ZNF578: variants seen among roughly 807,000 people sequenced by gnomAD.
The protein encoded by ZNF578 is zinc finger protein 578.
Under a neutral mutation model 8.3 loss-of-function variants are expected in ZNF578, and 8 were observed. The ratio of observed to expected loss-of-function variants is 0.96; its 90% CI spans 0.56 to 1.74. ZNF578 has a LOEUF of 1.74. Ranked by LOEUF, ZNF578 falls within the 40% of genes most tolerant of loss-of-function variation. The pLI is 0.00. For missense variants in ZNF578, 726 were observed against 707.5 expected, an observed-to-expected ratio of 1.03 and a Z score of -0.30; for synonymous variants, 206 against 232.2, an observed-to-expected ratio of 0.89 and a Z score of 1.03.
rs1853073637 is a variant in ZNF578, at chr19:52,496,468, T to C, written c.-20+5043T>C. Among the ~76,000 whole-genome samples the C allele has an allele frequency of 2.7e-5, 4 of 146,860 alleles. No homozygotes were observed. In the South Asian group the frequency reaches 6.6e-4, roughly 24 times the overall value. ...CCTCAGCCTCCCGAGTAGCTGGGACTACATGCGCCCGCCACCGCGCCCAGC... is the reference window on the plus strand; with the variant it reads ...CCTCAGCCTCCCGAGTAGCTGGGACCACATGCGCCCGCCACCGCGCCCAGC... On this transcript the variant is annotated intron_variant, in intron 3 of 5. Transcript: ENST00000421239.
chr19:52,470,511 G>C (rs563633326), intron 2 of ZNF578, among the ~76,000 whole-genome samples: 3 of 152,176 alleles, frequency 2.0e-5, no homozygotes, highest in Non-Finnish European at 4.4e-5. Flanking sequence ...GGTTCATAAA[G>C]TATTGTTTCT....
chr19:52,473,673 T>G, intron 2 of ZNF578: 1 of 212,596 alleles, frequency 4.7e-6, no homozygotes, highest in Non-Finnish European at 9.3e-6. Context: ...GTATGAATTC[T>G]CTGATGAATT....
At chr19:52,494,130 CAA>C (rs1218539563) in intron 3 of ZNF578, among the ~76,000 whole-genome samples, 3 of 145,044 alleles carry the variant, frequency 2.1e-5, no homozygotes, top group Admixed American at 7.0e-5. Context: ...GACAAGAAAA[CAA>C]GAGCTAGAGA....
intron 4 of ZNF578, among the ~76,000 whole-genome samples, chr19:52,503,647 A>T (rs1177494606): frequency 6.6e-6 from 1 of 152,116 alleles, no homozygotes; most frequent in Non-Finnish European, 1.5e-5. Flanking sequence ...CTGACCAATC[A>T]TGATAGTTTT....
At chr19:52,488,856 A>C (rs921148368) in intron 2 of ZNF578, among the ~76,000 whole-genome samples, 1 of 151,960 alleles carries the variant, frequency 6.6e-6, no homozygotes, top group Non-Finnish European at 1.5e-5. Flanking sequence ...TAATCCCAGC[A>C]CTTTGGGAGC....
intron 2 of ZNF578, among the ~76,000 whole-genome samples, chr19:52,485,912 CG>C (rs2059343863): frequency 6.6e-6 from 1 of 152,056 alleles, no homozygotes; most frequent in African/African-American, 2.4e-5. Flanking sequence ...AATATGGCCT[CG>C]TGGGAAGGGA....
intron 2 of ZNF578, chr19:52,474,439 G>A (rs760731627): frequency 4.1e-5 from 10 of 241,046 alleles, no homozygotes; most frequent in Non-Finnish European, 6.1e-5. Flanking sequence ...ACTCAGTCTC[G>A]GGCTAAAAAC....
Position 52,512,658 on chromosome 19 carries a change from C to T in ZNF578, c.*504C>T, listed in dbSNP as rs2059453896. 6.6e-6 allele frequency among the ~76,000 whole-genome samples: 1 copy of T among 152,116 alleles called. No homozygotes were observed. The highest frequency in any genetic ancestry group is 1.5e-5 in the Non-Finnish European group (1 of 68,018). On this transcript the variant is annotated 3_prime_UTR_variant, in exon 6 of 6. Coordinates refer to ENST00000421239, the MANE Select transcript of ZNF578 (RefSeq NM_001099694.2). ...CACACCTCATTAGACATCAGAGAAT[C>T]CCTACTGGAGAGAAATCTTACAAAT...
At chr19:52,457,902 T>G (rs1420427797) in intron 2 of ZNF578, 1 of 153,762 alleles carries the variant, frequency 6.5e-6, no homozygotes. Context: ...CTGATGTCAC[T>G]TAAATTCCAT....
At chr19:52,496,927 G>A (rs1013242597) in intron 3 of ZNF578, among the ~76,000 whole-genome samples, 14 of 151,736 alleles carry the variant, frequency 9.2e-5, no homozygotes, top group Non-Finnish European at 1.5e-4. Context: ...ATGAGCCGCC[G>A]CGCCCAGCCT....
chr19:52,501,261 C>T (rs1245278779), intron 3 of ZNF578, among the ~76,000 whole-genome samples: 2 of 152,226 alleles, frequency 1.3e-5, no homozygotes, highest in South Asian at 2.1e-4. Flanking sequence ...AGAGCCAGAA[C>T]GTGGGGCTGT....
rs886982567 is a variant in ZNF578 at position 52,513,602 on chromosome 19, C to T, written c.*1448C>T. On this transcript the variant is annotated 3_prime_UTR_variant, in exon 6 of 6. Transcript: ENST00000421239. Reference sequence around the variant, plus strand: ...AAACTTAGCCGGGCATGGTGGTGGGCACCTGTAGTCTCAGCTACTCAGGGG... The same window carrying T: ...AAACTTAGCCGGGCATGGTGGTGGGTACCTGTAGTCTCAGCTACTCAGGGG... Among the ~76,000 whole-genome samples the T allele has an allele frequency of 1.3e-5, 2 of 151,468 alleles. No homozygotes were observed. The highest frequency in any genetic ancestry group is 1.5e-5 in the Non-Finnish European group (1 of 67,914).
rs2059460169 is a variant in ZNF578 at position 52,513,692 on chromosome 19, T to C, written c.*1538T>C. ...TTGCAGGGAGCCGAGATCGTGCCACTGCACTCCAGGCTGGGCGACAGAGTG... is the reference window on the plus strand; with the variant it reads ...TTGCAGGGAGCCGAGATCGTGCCACCGCACTCCAGGCTGGGCGACAGAGTG... On this transcript the variant is annotated 3_prime_UTR_variant, in exon 6 of 6. Transcript: ENST00000421239. Among the ~76,000 whole-genome samples, 1 of 144,300 alleles carries C rather than the reference T, an allele frequency of 6.9e-6. No individual in the cohort carries two copies. Among genetic ancestry groups the C allele is most frequent in the South Asian group, 2.2e-4 (1 of 4,636 alleles). The allele number at this position is 144,300 out of a possible 152,430, so 94.7% of individuals were successfully genotyped here. A position where few individuals can be genotyped will look rare whatever the true frequency, so the allele number is the denominator to read the frequency against.
Position 52,488,403 on chromosome 19 carries a change from A to G in ZNF578, c.-121-2921A>G, listed in dbSNP as rs527654413. ...CTCAATCTCTACTAAAAAAATACCA[A>G]AATTTCCATCCTGGCTAACACGGTG... On this transcript the variant is annotated intron_variant, in intron 2 of 5. Coordinates refer to ENST00000421239, the MANE Select transcript of ZNF578 (RefSeq NM_001099694.2). Among the ~76,000 whole-genome samples, 6 of 152,006 alleles carry G rather than the reference A, an allele frequency of 3.9e-5. No individual in the cohort carries two copies. In the South Asian group the frequency reaches 1.0e-3, roughly 26 times the overall value.
chr19:52,462,003 A>G (rs547352919), intron 2 of ZNF578, among the ~76,000 whole-genome samples: 2 of 152,316 alleles, frequency 1.3e-5, no homozygotes, highest in Admixed American at 1.3e-4. Context: ...TTCATCTATC[A>G]TTCTGATTGG....
Position 52,510,798 on chromosome 19 carries a change from AGACC to A in ZNF578, c.421_424del (p.Arg141MetfsTer17). 1.2e-6 allele frequency: 2 copies of A among 1,614,196 alleles called. No individual in the cohort carries two copies. Among genetic ancestry groups the A allele is most frequent in the Non-Finnish European group, 1.7e-6 (2 of 1,180,002 alleles). On this transcript the variant is annotated frameshift_variant, in exon 6 of 6. Coordinates refer to ENST00000421239, the MANE Select transcript of ZNF578 (RefSeq NM_001099694.2). LOFTEE classifies it low-confidence loss of function (END_TRUNC). ...AAATCAAAGAGTTGATGGGTAGCAC[AGACC>A]GACATGATCAAAGGCATGCTGGAAA...
At chr19:52,465,851 C>T (rs993691875) in intron 2 of ZNF578, among the ~76,000 whole-genome samples, 4 of 152,218 alleles carry the variant, frequency 2.6e-5, no homozygotes, top group Non-Finnish European at 5.9e-5. Flanking sequence ...GTCCTCCATC[C>T]GTCGGCCCTC....
chr19:52,461,412 G>T (rs565930587), intron 2 of ZNF578, among the ~76,000 whole-genome samples: 2 of 152,210 alleles, frequency 1.3e-5, no homozygotes, highest in South Asian at 4.1e-4. Context: ...CAATTTTGAG[G>T]AATTATTTTG....
At chr19:52,463,941 A>G (rs2059266436) in intron 2 of ZNF578, among the ~76,000 whole-genome samples, 1 of 152,184 alleles carries the variant, frequency 6.6e-6, no homozygotes, top group South Asian at 2.1e-4. Context: ...TATTTTTAGG[A>G]TAATGATTAT....
Sources: gnomAD v4.1 joint callset for allele counts (sites outside exome capture counted in the v4.1 genomes callset) on GRCh38, gnomAD v4.1.1 for gene constraint, MANE v1.5 for transcripts, NCBI Gene and HGNC (gene_info 2026-07-23, HGNC 2026-07-21) for gene names.